The following NHSL1 variants were observed in gnomAD, a reference collection of about 807,000 sequenced individuals.
The protein encoded by NHSL1 is NHS like 1, also known as NHS-like protein 1.
Under a neutral mutation model 95.0 loss-of-function variants are expected in NHSL1, and 48 were observed. That is an observed-to-expected ratio of 0.51 (90% CI 0.40 to 0.64). The LOEUF (loss-of-function observed/expected upper bound fraction) is 0.64. NHSL1 is among the 30% of genes least tolerant of loss of function. NHSL1 has a pLI of 0.00. For missense variants in NHSL1, 1,971 were observed against 2,077.7 expected, an observed-to-expected ratio of 0.95 and a Z score of 1.00; for synonymous variants, 783 against 833.9, an observed-to-expected ratio of 0.94 and a Z score of 1.05.
upstream of NHSL1, among the ~76,000 whole-genome samples, chr6:138,500,561 C>G (rs1276510912): frequency 2.0e-5 from 3 of 152,206 alleles, no homozygotes; most frequent in East Asian, 5.8e-4. Flanking sequence ...TTGGGCCAGA[C>G]TTATAACTCA....
intron 1 of NHSL1, among the ~76,000 whole-genome samples, chr6:138,645,359 C>T (rs1283280311): frequency 2.6e-5 from 4 of 152,148 alleles, no homozygotes; most frequent in African/African-American, 9.7e-5. Flanking sequence ...TCAAAAGTCA[C>T]CTTAATGAGG....
chr6:138,659,251 T>C (rs1332021897), intron 1 of NHSL1, among the ~76,000 whole-genome samples: 2 of 151,952 alleles, frequency 1.3e-5, no homozygotes, highest in Admixed American at 1.3e-4. Context: ...GGTTTCACCA[T>C]GTTGGCCAGG....
chr6:138,666,069 C>T (rs1337865416), intron 1 of NHSL1, among the ~76,000 whole-genome samples: 1 of 152,166 alleles, frequency 6.6e-6, no homozygotes, highest in East Asian at 1.9e-4. Flanking sequence ...TTTGGGAGGC[C>T]AAGGCGGGCG....
At chr6:138,446,850 G>A (rs1225685270) in intron 4 of NHSL1, 151 bp downstream of exon 4, 3 of 708,256 alleles carry the variant, frequency 4.2e-6, no homozygotes, top group South Asian at 1.9e-5. Flanking sequence ...CACATATGTA[G>A]TTTTAATATT....
intron 7 of NHSL1, among the ~76,000 whole-genome samples, chr6:138,427,106 G>A (rs948368728): frequency 1.3e-5 from 2 of 152,266 alleles, no homozygotes; most frequent in East Asian, 1.9e-4. Context: ...TTTAGGTATT[G>A]GCTGGTGACT....
intron 1 of NHSL1, among the ~76,000 whole-genome samples, chr6:138,517,912 G>C (rs140728975): frequency 7.7e-4 from 118 of 152,332 alleles, no homozygotes; most frequent in Middle Eastern, 6.8e-3. Flanking sequence ...CACATCCAAT[G>C]AGTGGGTCAG....
intron 1 of NHSL1, among the ~76,000 whole-genome samples, chr6:138,683,302 C>A (rs1301021639): frequency 6.6e-6 from 1 of 152,178 alleles, no homozygotes; most frequent in Non-Finnish European, 1.5e-5. Flanking sequence ...CTCATGTAGC[C>A]GTGGTCAGCT....
At chr6:138,447,878 T>C (rs539877488) in intron 3 of NHSL1, among the ~76,000 whole-genome samples, 65 of 152,346 alleles carry the variant, frequency 4.3e-4, no homozygotes, top group African/African-American at 1.5e-3. Context: ...AAAATTTAGT[T>C]TTGCTCAAAG....
intron 3 of NHSL1, among the ~76,000 whole-genome samples, chr6:138,465,071 A>C (rs966015218): frequency 6.7e-6 from 1 of 149,156 alleles, no homozygotes; most frequent in Non-Finnish European, 1.5e-5. Context: ...AAAAAAAAAA[A>C]GAATGAATAA....
At position 138,499,144 on chromosome 6, in the gene NHSL1, C is replaced by A. The variant is rs1780528442; in HGVS notation, c.58+89G>T. 7.1e-6 allele frequency: 6 copies of A among 846,700 alleles called. No homozygotes were observed. In the East Asian group the frequency reaches 1.7e-4, roughly 24 times the overall value. The allele number at this position is 846,700 out of a possible 1,614,324, so 52.4% of individuals were successfully genotyped here. A position where few individuals can be genotyped will look rare whatever the true frequency, so the allele number is the denominator to read the frequency against. The stretch of plus-strand genomic sequence containing the variant: ...TAAAACACACACATGGACACACACA[C>A]ACACACACACACACAGACACACAGG... On this transcript the variant is annotated intron_variant, in intron 1 of 7. Coordinates refer to ENST00000343505, the MANE Select transcript of NHSL1 (RefSeq NM_001144060.2).
At chr6:138,548,189 T>G (rs1782876066), upstream of NHSL1, among the ~76,000 whole-genome samples, 1 of 152,092 alleles carries the variant, frequency 6.6e-6, no homozygotes, top group Admixed American at 6.6e-5. Flanking sequence ...TTTCACCATC[T>G]TGGCCAGGCT....
At chr6:138,570,214 T>C (rs530610861) in intron 1 of NHSL1, among the ~76,000 whole-genome samples, 2 of 152,368 alleles carry the variant, frequency 1.3e-5, no homozygotes, top group South Asian at 4.1e-4. Flanking sequence ...GACTTGACAG[T>C]GGTTGACTTA....
chr6:138,507,987 T>C (rs1290247511), intron 1 of NHSL1, among the ~76,000 whole-genome samples: 4 of 152,212 alleles, frequency 2.6e-5, no homozygotes, highest in African/African-American at 9.7e-5. Context: ...CCCTTTACTC[T>C]GCATGTGCTG....
At chr6:138,641,676 A>AGT (rs1449317800) in intron 1 of NHSL1, among the ~76,000 whole-genome samples, 3 of 150,918 alleles carry the variant, frequency 2.0e-5, no homozygotes, top group Non-Finnish European at 4.4e-5. Flanking sequence ...CTCTGCTTTC[A>AGT]GTATGCCCTA....
At chr6:138,542,458 C>T (rs1782621313) in intron 1 of NHSL1, among the ~76,000 whole-genome samples, 1 of 152,148 alleles carries the variant, frequency 6.6e-6, no homozygotes, top group Admixed American at 6.5e-5. Flanking sequence ...TACCAGTCCA[C>T]AATTAGATTA....
chr6:138,472,642 T>G (rs1682800273), intron 3 of NHSL1, among the ~76,000 whole-genome samples: 1 of 152,182 alleles, frequency 6.6e-6, no homozygotes, highest in Non-Finnish European at 1.5e-5. Flanking sequence ...TAAATGAAAA[T>G]AAAACTACAT....
At chr6:138,475,075 G>C (rs982156510) in intron 2 of NHSL1, among the ~76,000 whole-genome samples, 1 of 151,742 alleles carries the variant, frequency 6.6e-6, no homozygotes, top group Non-Finnish European at 1.5e-5. Flanking sequence ...CTTGAACCCG[G>C]GAGGCAGAAG....
intron 1 of NHSL1, among the ~76,000 whole-genome samples, chr6:138,513,649 A>G (rs915940307): frequency 5.9e-5 from 9 of 152,196 alleles, no homozygotes; most frequent in Non-Finnish European, 1.2e-4. Flanking sequence ...CTGTGTAAAG[A>G]GACAGAGGGC....
At chr6:138,691,345 A>G (rs1785666131) in intron 1 of NHSL1, among the ~76,000 whole-genome samples, 1 of 152,244 alleles carries the variant, frequency 6.6e-6, no homozygotes. Flanking sequence ...CCACGAATTA[A>G]TTATACAACT....
Sources: allele counts gnomAD v4.1 joint callset (sites outside exome capture counted in the v4.1 genomes callset), GRCh38; gene constraint gnomAD v4.1.1; transcripts MANE v1.5; gene names NCBI Gene and HGNC (gene_info 2026-07-23, HGNC 2026-07-21).